CRYBG1: variants seen among roughly 807,000 people sequenced by gnomAD.
CRYBG1 encodes beta/gamma crystallin domain-containing protein 1.
Under a neutral mutation model 189.2 loss-of-function variants are expected in CRYBG1, and 139 were observed. The ratio of observed to expected loss-of-function variants is 0.73; its 90% CI spans 0.64 to 0.85. The LOEUF (loss-of-function observed/expected upper bound fraction) is 0.85. Ranked by LOEUF, CRYBG1 falls within the 40% of genes least tolerant of loss-of-function variation. The pLI is 0.00. For missense variants in CRYBG1, 2,611 were observed against 2,675.8 expected (o/e 0.98, Z 0.53); for synonymous variants, 1,023 against 1,017.1 (o/e 1.01, Z -0.11).
Position 106,488,274 on chromosome 6 carries a change from A to C in CRYBG1, c.313-23156A>C, listed in dbSNP as rs6902407. Among the ~76,000 whole-genome samples, 1,152 of 152,128 alleles carry C rather than the reference A, an allele frequency of 7.6e-3. 17 individuals carry two copies. The highest frequency in any genetic ancestry group is 0.027 in the African/African-American group (1,119 of 41,488). ...GTGCTATCTGTCAGGTCTGGGTCAG[A>C]TGCGTATAGGTTAGGCAGCTGAGTG... On this transcript the variant is annotated intron_variant, in intron 2 of 21. Coordinates refer to ENST00000633556, the MANE Select transcript of CRYBG1 (RefSeq NM_001371242.2).
chr6:106,395,969 C>G (rs967128718), intron 1 of CRYBG1, among the ~76,000 whole-genome samples: 2 of 152,096 alleles, frequency 1.3e-5, no homozygotes, highest in African/African-American at 4.8e-5. Flanking sequence ...GAGGAGATAA[C>G]CCATCCCTGG....
At chr6:106,371,561 C>T (rs554892673) in intron 1 of CRYBG1, among the ~76,000 whole-genome samples, 1 of 152,346 alleles carries the variant, frequency 6.6e-6, no homozygotes, top group African/African-American at 2.4e-5. Context: ...CCGAACTATT[C>T]TCTTTTGTAT....
At chr6:106,400,477 A>G (rs1770702138) in intron 1 of CRYBG1, among the ~76,000 whole-genome samples, 1 of 152,138 alleles carries the variant, frequency 6.6e-6, no homozygotes, top group South Asian at 2.1e-4. Context: ...TTTCAGAAGG[A>G]TAGGAATAGA....
chr6:106,469,361 C>T (rs948662607), intron 2 of CRYBG1, among the ~76,000 whole-genome samples: 1 of 152,196 alleles, frequency 6.6e-6, no homozygotes, highest in African/African-American at 2.4e-5. Context: ...TGCTTGTTGT[C>T]TTTCTCTTCT....
At chr6:106,395,306 A>G (rs1202518730) in intron 1 of CRYBG1, among the ~76,000 whole-genome samples, 2 of 151,420 alleles carry the variant, frequency 1.3e-5, no homozygotes, top group Non-Finnish European at 2.9e-5. Context: ...TATTCTTAAT[A>G]TTTTTCATTT....
intron 1 of CRYBG1, among the ~76,000 whole-genome samples, chr6:106,410,647 G>A (rs1468183132): frequency 1.3e-5 from 2 of 152,214 alleles, no homozygotes; most frequent in Non-Finnish European, 2.9e-5. Context: ...TGATAGACTG[G>A]ATAAAGAAAA....
intron 1 of CRYBG1, among the ~76,000 whole-genome samples, chr6:106,437,539 C>T (rs530176934): frequency 6.6e-6 from 1 of 152,200 alleles, no homozygotes; most frequent in South Asian, 2.1e-4. Flanking sequence ...TGGGGTCAAG[C>T]AATCCTCCTG....
At position 106,561,340 on chromosome 6, in the gene CRYBG1, A is replaced by G. The variant is rs761223120; in HGVS notation, c.5980-2A>G. The G allele has an allele frequency of 6.2e-7, 1 of 1,613,708 alleles. No individual in the cohort carries two copies. The highest frequency in any genetic ancestry group is 1.7e-5 in the Admixed American group (1 of 59,926). On this transcript the variant is annotated splice_acceptor_variant, in intron 19 of 21. Coordinates refer to ENST00000633556, the MANE Select transcript of CRYBG1 (RefSeq NM_001371242.2). LOFTEE classifies it high-confidence loss of function. ...ACAACTGCTGGGGGTTTTGTCTTCTAGAAGCGAATTTATTTCAGACTTCGA... is the reference window on the plus strand; with the variant it reads ...ACAACTGCTGGGGGTTTTGTCTTCTGGAAGCGAATTTATTTCAGACTTCGA...
chr6:106,545,520 G>A (rs1349974959), intron 13 of CRYBG1, among the ~76,000 whole-genome samples: 1 of 152,226 alleles, frequency 6.6e-6, no homozygotes, highest in Non-Finnish European at 1.5e-5. Context: ...TAACTAAAAA[G>A]TCCTGGAGAA....
intron 2 of CRYBG1, among the ~76,000 whole-genome samples, chr6:106,481,182 G>C (rs1310339387): frequency 1.5e-5 from 1 of 65,724 alleles, no homozygotes; most frequent in African/African-American, 7.6e-5. Context: ...CACCGTTTTA[G>C]CCGGGATGGT....
chr6:106,501,150 T>C (rs552906799), intron 2 of CRYBG1, among the ~76,000 whole-genome samples: 1 of 152,264 alleles, frequency 6.6e-6, no homozygotes, highest in African/African-American at 2.4e-5. Context: ...GACACAGCAA[T>C]AAAGAAATAT....
rs1305256549 is a variant in CRYBG1 at position 106,361,912 on chromosome 6, A to T, written c.173+831A>T. On this transcript the variant is annotated intron_variant, in intron 1 of 21. Coordinates refer to ENST00000633556, the MANE Select transcript of CRYBG1 (RefSeq NM_001371242.2). The stretch of plus-strand genomic sequence containing the variant: ...TTAAAATACACCCTATGAGGGCCAG[A>T]ATAAAATTGTGCAAAATTTGCATTT... 7.7e-5 allele frequency among the ~76,000 whole-genome samples: 11 copies of T among 143,778 alleles called. No homozygotes were observed. In the East Asian group the frequency reaches 8.3e-4, roughly 11 times the overall value. 94.3% of individuals were successfully genotyped at this position (143,778 alleles called of 152,430 possible).
chr6:106,536,052 G>GTCTCTTTTAA (rs1773997522), intron 8 of CRYBG1, among the ~76,000 whole-genome samples: 1 of 866 alleles, frequency 1.2e-3, no homozygotes, highest in Admixed American at 9.6e-3. Flanking sequence ...CCAAAGTGCT[G>GTCTCTTTTAA]GGATTACAGG....
At chr6:106,450,233 A>C (rs1055249477) in intron 1 of CRYBG1, among the ~76,000 whole-genome samples, 3 of 147,966 alleles carry the variant, frequency 2.0e-5, no homozygotes, top group African/African-American at 7.5e-5. Flanking sequence ...AAAAAAAAAA[A>C]AGTACACAAT....
chr6:106,393,008 C>G (rs1369436197), intron 1 of CRYBG1, among the ~76,000 whole-genome samples: 2 of 152,174 alleles, frequency 1.3e-5, no homozygotes, highest in Non-Finnish European at 2.9e-5. Context: ...CTCCTGACCT[C>G]AAGTGATCCG....
At position 106,563,902 on chromosome 6, in the gene CRYBG1, C is replaced by A. The variant is rs760490569; in HGVS notation, c.6277C>A (p.Pro2093Thr). 4 of 1,612,354 alleles carry A rather than the reference C, an allele frequency of 2.5e-6. No individual in the cohort carries two copies. The Admixed American group carries it at 6.7e-5, about 27-fold the overall frequency. Residue 2093 changes from proline (P) to threonine (T), a missense_variant, in exon 21 of 22, where the codon CCA (proline) becomes ACA (threonine). Around this residue, in one of 3 missense-constraint regions of CRYBG1, gnomAD observed 1,622 missense variants for 1,735.0 expected, o/e 0.93. Coordinates refer to ENST00000633556, the MANE Select transcript of CRYBG1 (RefSeq NM_001371242.2). Reference protein sequence around the residue: ...SDGRIYSKLKPNLVLDIKGGT... With the variant: ...SDGRIYSKLKTNLVLDIKGGT... Reference sequence around the variant, plus strand: ...TGGCAGGATTTACAGCAAGTTGAAGCCAAATTTAGTTTTAGACATTAAAGG... The same window carrying A: ...TGGCAGGATTTACAGCAAGTTGAAGACAAATTTAGTTTTAGACATTAAAGG...
intron 1 of CRYBG1, among the ~76,000 whole-genome samples, chr6:106,433,756 T>TACAC (rs1491124084): frequency 4.2e-5 from 1 of 23,998 alleles, no homozygotes; most frequent in African/African-American, 1.2e-4. Flanking sequence ...TATATATATA[T>TACAC]GTGTATATAT....
chr6:106,527,419 A>G lies in CRYBG1; in HGVS notation c.4527A>G (p.Glu1509=), dbSNP rs1773767017. Reference sequence around the variant, plus strand: ...AAGACATTTTGGAAAGGCACGAAGAAGCAGAGTCTGATAAGCCAGTGGTGA... The same window carrying G: ...AAGACATTTTGGAAAGGCACGAAGAGGCAGAGTCTGATAAGCCAGTGGTGA... ...GIEDILERHE[E]AESDKPVVIG... The change falls in exon 7 of 22, where the codon GAA becomes GAG. Residue 1509 remains glutamate (E), a synonymous_variant. Coordinates refer to ENST00000633556, the MANE Select transcript of CRYBG1 (RefSeq NM_001371242.2). 1 of 1,613,666 alleles carries G rather than the reference A, an allele frequency of 6.2e-7. No homozygotes were observed.
intron 1 of CRYBG1, among the ~76,000 whole-genome samples, chr6:106,444,408 C>A (rs995811139): frequency 1.3e-5 from 2 of 152,196 alleles, no homozygotes; most frequent in Non-Finnish European, 2.9e-5. Context: ...TAAAACCGAG[C>A]CGTTCCTTGA....
Sources: gnomAD v4.1 joint callset for allele counts (sites outside exome capture counted in the v4.1 genomes callset) on GRCh38, gnomAD v4.1.1 for gene constraint, gnomAD v4.1.1 regional missense constraint, MANE v1.5 for transcripts, NCBI Gene and HGNC (gene_info 2026-07-23, HGNC 2026-07-21) for gene names.